The following ERCC8 variants were observed in gnomAD, a reference collection of about 807,000 sequenced individuals.
ERCC8 encodes DNA excision repair protein ERCC-8.
Under a neutral mutation model 54.9 loss-of-function variants are expected in ERCC8, and 52 were observed. The observed-to-expected ratio is 0.95, with a 90% CI of 0.76 to 1.19. The LOEUF is 1.19. Among genes scored for constraint, ERCC8 ranks in the 50% most tolerant of loss-of-function variants. ERCC8 has a pLI of 0.00. For synonymous variants in ERCC8, 146 were observed against 157.2 expected, an observed-to-expected ratio of 0.93 and a Z score of 0.53; for missense variants, 514 against 466.1, an observed-to-expected ratio of 1.10 and a Z score of -0.95.
At chr5:60,879,289 C>T (rs1036488541) in intron 11 of ERCC8, among the ~76,000 whole-genome samples, 1 of 152,162 alleles carries the variant, frequency 6.6e-6, no homozygotes, top group African/African-American at 2.4e-5. Context: ...TTACTTCCAA[C>T]TATGTGGTCA....
chr5:60,906,848 C>A (rs1749089859), intron 4 of ERCC8, among the ~76,000 whole-genome samples: 1 of 152,196 alleles, frequency 6.6e-6, no homozygotes, highest in Admixed American at 6.5e-5. Flanking sequence ...ATAATTAAGG[C>A]AGCTTGAAGG....
At chr5:60,911,836 T>C (rs575833486) in intron 4 of ERCC8, among the ~76,000 whole-genome samples, 4 of 152,182 alleles carry the variant, frequency 2.6e-5, no homozygotes, top group Non-Finnish European at 5.9e-5. Context: ...CAGCACCATT[T>C]ATTAAATAGG....
chr5:60,904,659 TATATATATATATATATATATATATAA>T, intron 5 of ERCC8, 107 bp downstream of exon 5: 5 of 138,948 alleles, frequency 3.6e-5, no homozygotes, highest in Non-Finnish European at 4.1e-5. Context: ...TATATATATA[TATATATATATATATATATATATATAA>T]AATTGTGATA....
At chr5:60,920,640 A>T (rs1480177036) in intron 3 of ERCC8, among the ~76,000 whole-genome samples, 3 of 151,924 alleles carry the variant, frequency 2.0e-5, no homozygotes, top group Non-Finnish European at 4.4e-5. Flanking sequence ...AAATGTTATT[A>T]TAACTCATTT....
chr5:60,874,885 C>A (rs1438636508), intron 11 of ERCC8, among the ~76,000 whole-genome samples: 2 of 152,188 alleles, frequency 1.3e-5, no homozygotes, highest in Non-Finnish European at 2.9e-5. Context: ...TTGAAACAGA[C>A]AACACCAGAC....
chr5:60,868,197 C>T lies in ERCC8; in HGVS notation c.*6418G>A, dbSNP rs1747792963. Among the ~76,000 whole-genome samples, 1 of 152,138 alleles carries T rather than the reference C, an allele frequency of 6.6e-6. No homozygotes were observed. Among genetic ancestry groups the T allele is most frequent in the Admixed American group, 6.5e-5 (1 of 15,272 alleles). On this transcript the variant is annotated 3_prime_UTR_variant, in exon 12 of 12. Transcript: ENST00000676185. ...TAGTTCTGTAAAACTTATGCAACCA[C>T]CATTAACAAACTGTCAAGGCATAAA... is the stretch of plus-strand genomic sequence containing the variant.
intron 4 of ERCC8, among the ~76,000 whole-genome samples, chr5:60,916,406 T>G (rs1749436745): frequency 6.6e-6 from 1 of 152,068 alleles, no homozygotes; most frequent in Non-Finnish European, 1.5e-5. Context: ...TTTCTGTAAG[T>G]GTTCCCCTCT....
intron 11 of ERCC8, among the ~76,000 whole-genome samples, chr5:60,885,089 T>C (rs536658178): frequency 2.0e-5 from 3 of 152,164 alleles, no homozygotes; most frequent in Admixed American, 2.0e-4. Flanking sequence ...TGTGGCTCAC[T>C]GTAGCCTTGA....
intron 11 of ERCC8, among the ~76,000 whole-genome samples, chr5:60,883,735 G>C (rs1748313796): frequency 2.0e-5 from 3 of 152,120 alleles, no homozygotes; most frequent in Admixed American, 6.5e-5. Flanking sequence ...TGAGAGGTCA[G>C]GTTTAAACTG....
Position 60,897,253 on chromosome 5 carries a change from G to A in ERCC8, c.843+1023C>T, listed in dbSNP as rs115259331. 5.6e-3 allele frequency among the ~76,000 whole-genome samples: 858 copies of A among 152,206 alleles called. 9 individuals carry two copies. Among genetic ancestry groups the A allele is most frequent in the African/African-American group, 0.02 (828 of 41,530 alleles). ...CCCTATGTGAAACAGCAACTCCAAC[G>A]TCCCAGTATTTCCTGTGATCCTTTC... On this transcript the variant is annotated intron_variant, in intron 9 of 11. Transcript: ENST00000676185.
chr5:60,918,330 T>C lies in ERCC8; in HGVS notation c.334A>G (p.Thr112Ala). 11 of 1,596,658 alleles carry C rather than the reference T, an allele frequency of 6.9e-6. No homozygotes were observed. Among genetic ancestry groups the C allele is most frequent in the Non-Finnish European group, 8.6e-6 (10 of 1,164,484 alleles). Residue 112 changes from threonine to alanine, a missense_variant, in exon 4 of 12, where the codon ACT (threonine) becomes GCT (alanine). By Grantham distance (58) the Thr-to-Ala change is moderately conservative. Coordinates refer to ENST00000676185, the MANE Select transcript of ERCC8 (RefSeq NM_000082.4). ...AATGAGCTTGATGTGAACATGCCAG[T>C]GTCATGAGGATACCACTGTACAGTC... The part of the protein sequence containing the change: ...VETVQWYPHD[T>A]GMFTSSSFDK...
In ERCC8 at chr5:60,868,105, A is replaced by C. The variant is rs1485616156; in HGVS notation, c.*6510T>G. 6.6e-6 allele frequency among the ~76,000 whole-genome samples: 1 copy of C among 152,174 alleles called. No homozygotes were observed. The highest frequency in any genetic ancestry group is 1.5e-5 in the Non-Finnish European group (1 of 68,024). ...TGAGGCAGGAGAATCGCTTGAACCC[A>C]GGAGGCGGAGGTTGCGGTGAGCTGA... On this transcript the variant is annotated 3_prime_UTR_variant, in exon 12 of 12. Coordinates refer to ENST00000676185, the MANE Select transcript of ERCC8 (RefSeq NM_000082.4).
chr5:60,929,032 T>C, intron 1 of ERCC8, 73 bp from the exon 2 acceptor site: 1 of 861,482 alleles, frequency 1.2e-6, no homozygotes, highest in Admixed American at 1.8e-5. Flanking sequence ...TAACCAAGAT[T>C]ACTTATGGTA....
chr5:60,890,958 T>C lies in ERCC8; in HGVS notation c.972A>G (p.Gly324=). The change falls in exon 10 of 12, where the codon GGA becomes GGG. Residue 324 remains glycine (G), a synonymous_variant. Coordinates refer to ENST00000676185, the MANE Select transcript of ERCC8 (RefSeq NM_000082.4). ...STIAVYTVYS[G]EQITMLKGHY... is the part of the protein sequence containing the mutation. ...GTCCCTTAAGCATAGTTATCTGTTC[T>C]CCTGAGTAAACTGTATAAACAGCAA... 1 of 1,613,608 alleles carries C rather than the reference T, an allele frequency of 6.2e-7. No individual in the cohort carries two copies. Among genetic ancestry groups the C allele is most frequent in the Non-Finnish European group, 8.5e-7 (1 of 1,179,660 alleles).
intron 2 of ERCC8, chr5:60,924,175 T>C (rs955629347): frequency 6.6e-6 from 1 of 152,364 alleles, no homozygotes; most frequent in Non-Finnish European, 1.5e-5. Context: ...TTTAAAATAA[T>C]TTCTATTTCC....
At chr5:60,932,982 G>A (rs1002732785) in intron 1 of ERCC8, among the ~76,000 whole-genome samples, 6 of 152,166 alleles carry the variant, frequency 3.9e-5, no homozygotes, top group Admixed American at 3.9e-4. Flanking sequence ...TTATATAAAA[G>A]CATTGCTTAC....
rs2306351 is a variant in ERCC8 at position 60,891,148 on chromosome 5, C to A, written c.844-62G>T. On this transcript the variant is annotated intron_variant, in intron 9 of 11. Transcript: ENST00000676185. Reference sequence around the variant, plus strand: ...AATCTGAATTTAAAACACAACAAAGCCTAGGAGAAATACTTAAAATATTAT... The same window carrying A: ...AATCTGAATTTAAAACACAACAAAGACTAGGAGAAATACTTAAAATATTAT... The A allele has an allele frequency of 0.82, 906,043 of 1,103,936 alleles. 373,853 individuals carry two copies. The highest frequency in any genetic ancestry group is 0.96 in the African/African-American group (62,351 of 64,998). The allele number at this position is 1,103,936 out of a possible 1,614,324, so 68.4% of individuals were successfully genotyped here.
At chr5:60,925,642 C>T (rs1203499732) in intron 2 of ERCC8, among the ~76,000 whole-genome samples, 1 of 152,136 alleles carries the variant, frequency 6.6e-6, no homozygotes, top group Non-Finnish European at 1.5e-5. Context: ...TGGTAGTGCA[C>T]AGATCTTTTA....
intron 4 of ERCC8, among the ~76,000 whole-genome samples, chr5:60,911,284 C>A (rs1248444554): frequency 6.6e-6 from 1 of 151,992 alleles, no homozygotes; most frequent in Non-Finnish European, 1.5e-5. Flanking sequence ...TTAATAATCG[C>A]CATCCTAACT....
Sources: allele counts gnomAD v4.1 joint callset (sites outside exome capture counted in the v4.1 genomes callset), GRCh38; gene constraint gnomAD v4.1.1; transcripts MANE v1.5; gene names NCBI Gene and HGNC (gene_info 2026-07-23, HGNC 2026-07-21).